The following DHRS7 variants were observed in gnomAD, a reference collection of about 807,000 sequenced individuals.
The protein encoded by DHRS7 is dehydrogenase/reductase 7.
A neutral mutation model predicts 38.9 loss-of-function variants in DHRS7; 34 were observed. That is an observed-to-expected ratio of 0.87 (90% CI 0.66 to 1.16). The LOEUF is 1.16. Ranked by LOEUF, DHRS7 falls within the 50% of genes most tolerant of loss-of-function variation. The pLI is 0.00. For synonymous variants in DHRS7, 158 were observed against 153.1 expected, an observed-to-expected ratio of 1.03 and a Z score of -0.24; for missense variants, 421 against 407.0, an observed-to-expected ratio of 1.03 and a Z score of -0.30.
At chr14:60,154,613 A>C (rs1232880649) in intron 2 of DHRS7, among the ~76,000 whole-genome samples, 1 of 152,224 alleles carries the variant, frequency 6.6e-6, no homozygotes, top group East Asian at 1.9e-4. Flanking sequence ...GTTCATCAAA[A>C]GAACAACTGA....
intron 2 of DHRS7, 197 bp downstream of exon 2, chr14:60,155,803 A>G: frequency 2.4e-6 from 1 of 413,202 alleles, no homozygotes; most frequent in Non-Finnish European, 4.1e-6. Context: ...GTGCAAAAAA[A>G]GCATAGAAAG....
chr14:60,153,059 T>C lies in DHRS7; in HGVS notation c.513A>G (p.Lys171=), dbSNP rs1233766865. The change falls in exon 4 of 7, where the codon AAA becomes AAG. Residue 171 remains lysine, a synonymous_variant. Coordinates refer to ENST00000557185, the MANE Select transcript of DHRS7 (RefSeq NM_016029.4). The surrounding 1 kb of genome is among the most constrained non-coding windows in gnomAD (Gnocchi z 4.4). ...LNYLGTVSLT[K]CVLPHMIERK... ...TCTCGATCATGTGAGGCAGAACACA[T>C]TTTGTCAAGGACACCGTCCCTAAGT... 12 of 1,614,116 alleles carry C rather than the reference T, an allele frequency of 7.4e-6. No individual in the cohort carries two copies. Among genetic ancestry groups the C allele is most frequent in the Admixed American group, 1.7e-5 (1 of 60,006 alleles).
rs112661897 is a variant in DHRS7 at position 60,165,333 on chromosome 14, G to A, written c.-24C>T. 1.9e-6 allele frequency: 3 copies of A among 1,560,422 alleles called. No homozygotes were observed. The highest frequency in any genetic ancestry group is 2.7e-5 in the African/African-American group (2 of 74,054). ...ATTGCGGCCGCGCACGCCCAGCTCG[G>A]GGGGAAGAAGACGGCCCGCACCAGA... On this transcript the variant is annotated 5_prime_UTR_variant, in exon 1 of 7. Coordinates refer to ENST00000557185, the MANE Select transcript of DHRS7 (RefSeq NM_016029.4). The surrounding 1 kb of genome is among the most constrained non-coding windows in gnomAD (Gnocchi z 4.6).
At position 60,162,259 on chromosome 14, in the gene DHRS7, G is replaced by A. The variant is rs1177163175; in HGVS notation, c.133+2918C>T. Among the ~76,000 whole-genome samples, 1 of 152,074 alleles carries A rather than the reference G, an allele frequency of 6.6e-6. No individual in the cohort carries two copies. The highest frequency in any genetic ancestry group is 1.5e-5 in the Non-Finnish European group (1 of 68,002). On this transcript the variant is annotated intron_variant, in intron 1 of 6. Coordinates refer to ENST00000557185, the MANE Select transcript of DHRS7 (RefSeq NM_016029.4). This position sits in a 1 kb window ranked among gnomAD's most constrained non-coding sequence, Gnocchi z 4.5. ...GTGGTGGTTTGCACCTGTAGTCCTA[G>A]CTACTGGGGAGGCTGAGGTGGGAGG...
chr14:60,166,869 G>T (rs541378983), upstream of DHRS7, among the ~76,000 whole-genome samples: 1 of 152,052 alleles, frequency 6.6e-6, no homozygotes, highest in Non-Finnish European at 1.5e-5. Context: ...ATAGCTTAGT[G>T]TTGACATGAG....
In DHRS7 at chr14:60,144,678, C is replaced by A; in HGVS notation, c.*288G>T. 7.2e-6 allele frequency: 2 copies of A among 279,516 alleles called. No individual in the cohort carries two copies. Among genetic ancestry groups the A allele is most frequent in the Non-Finnish European group, 1.3e-5 (2 of 151,752 alleles). The allele number at this position is 279,516 out of a possible 1,614,324, so 17.3% of individuals were successfully genotyped here. ...TCTGTGGTATTTTGTTATAGCAGCA[C>A]AAATGGACTAAGACAAATCTGTTAA... On this transcript the variant is annotated 3_prime_UTR_variant, in exon 7 of 7. Transcript: ENST00000557185.
intron 1 of DHRS7, chr14:60,159,339 GC>G: frequency 2.5e-6 from 1 of 393,728 alleles, no homozygotes; most frequent in Non-Finnish European, 4.8e-6. Flanking sequence ...CAGAATTGAA[GC>G]CCTTCTGTTT....
upstream of DHRS7, chr14:60,168,853 G>GTTA (rs1463307229): frequency 2.2e-6 from 3 of 1,343,268 alleles, no homozygotes; most frequent in Admixed American, 5.4e-5. Context: ...CAAAGCATAA[G>GTTA]GTCAGAGGAG....
chr14:60,158,906 C>A (rs78929229), intron 1 of DHRS7: 7,450 of 216,406 alleles, frequency 0.034, 496 homozygotes, highest in African/African-American at 0.15. Flanking sequence ...TGCTATCAAC[C>A]AGTAGCAGTG....
rs568031743 is a variant in DHRS7 at position 60,150,330 on chromosome 14, ATTATAT to A, written c.634-149_634-144del. The stretch of plus-strand genomic sequence containing the variant: ...AGCTTATTAGGCACTTTTTTTTATT[ATTATAT>A]TTTAAGTTCTAGGGTACATGTGCAC... On this transcript the variant is annotated intron_variant, in intron 4 of 6. Coordinates refer to ENST00000557185, the MANE Select transcript of DHRS7 (RefSeq NM_016029.4). The A allele has an allele frequency of 1.1e-4, 75 of 713,506 alleles. No individual in the cohort carries two copies. In the African/African-American group the frequency reaches 1.2e-3, roughly 11 times the overall value. The allele number at this position is 713,506 out of a possible 1,614,324, so 44.2% of individuals were successfully genotyped here. A position where few individuals can be genotyped will look rare whatever the true frequency, so the allele number is the denominator to read the frequency against.
chr14:60,164,564 GAC>G (rs1192642887), intron 1 of DHRS7, among the ~76,000 whole-genome samples: 6 of 152,324 alleles, frequency 3.9e-5, no homozygotes, highest in Non-Finnish European at 5.9e-5. Flanking sequence ...TATTAAGCAA[GAC>G]ACAGATAAAG....
chr14:60,155,402 T>C (rs1408632310), intron 2 of DHRS7, among the ~76,000 whole-genome samples: 1 of 152,068 alleles, frequency 6.6e-6, no homozygotes, highest in East Asian at 1.9e-4. Context: ...TGAGCCAAGA[T>C]CACACCATTG....
At chr14:60,158,425 G>A (rs1184388139) in intron 1 of DHRS7, among the ~76,000 whole-genome samples, 1 of 151,926 alleles carries the variant, frequency 6.6e-6, no homozygotes, top group Non-Finnish European at 1.5e-5. Context: ...TTGACTACTT[G>A]TTGTTCCCAA....
chr14:60,165,139 C>T lies in DHRS7; in HGVS notation c.133+38G>A, dbSNP rs973897343. On this transcript the variant is annotated intron_variant, in intron 1 of 6. Coordinates refer to ENST00000557185, the MANE Select transcript of DHRS7 (RefSeq NM_016029.4). This position sits in a 1 kb window ranked among gnomAD's most constrained non-coding sequence, Gnocchi z 4.6. ...GGACACGCCTCGGCAGCTCCGAGCC[C>T]GGCCTCCCACTCGGGAGAGGCTTTG... 3.5e-5 allele frequency: 56 copies of T among 1,607,030 alleles called. No homozygotes were observed. In the Admixed American group the frequency reaches 8.9e-4, roughly 26 times the overall value.
rs1896784472 is a variant in DHRS7, at chr14:60,162,568, G to A, written c.133+2609C>T. Among the ~76,000 whole-genome samples the A allele has an allele frequency of 6.6e-6, 1 of 152,058 alleles. No homozygotes were observed. Among genetic ancestry groups the A allele is most frequent in the African/African-American group, 2.4e-5 (1 of 41,392 alleles). ...TTTTGTATTTTTACTTTTGTATTAT[G>A]TGAGTGTGCTATTTTTTTAAGTGAC... On this transcript the variant is annotated intron_variant, in intron 1 of 6. Transcript: ENST00000557185. The surrounding 1 kb of genome is among the most constrained non-coding windows in gnomAD (Gnocchi z 4.5).
At position 60,146,054 on chromosome 14, in the gene DHRS7, G is replaced by T. The variant is rs1896398630; in HGVS notation, c.973-1041C>A. Reference sequence around the variant, plus strand: ...ATATATAAAATATAAAATAGTGGGAGAGAGGAAGAGTACAGACTATAAAGA... The same window carrying T: ...ATATATAAAATATAAAATAGTGGGATAGAGGAAGAGTACAGACTATAAAGA... On this transcript the variant is annotated intron_variant, in intron 6 of 6. Coordinates refer to ENST00000557185, the MANE Select transcript of DHRS7 (RefSeq NM_016029.4). This position sits in a 1 kb window ranked among gnomAD's most constrained non-coding sequence, Gnocchi z 4.9. The T allele has an allele frequency of 6.6e-6, 1 of 150,546 alleles. No individual in the cohort carries two copies. The highest frequency in any genetic ancestry group is 6.6e-5 in the Admixed American group (1 of 15,086). 9.3% of individuals were successfully genotyped at this position (150,546 alleles called of 1,614,324 possible). A position where few individuals can be genotyped will look rare whatever the true frequency, so the allele number is the denominator to read the frequency against.
At chr14:60,155,467 A>G (rs1048746015) in intron 2 of DHRS7, among the ~76,000 whole-genome samples, 4 of 152,190 alleles carry the variant, frequency 2.6e-5, no homozygotes, top group African/African-American at 9.6e-5. Context: ...AAAAGTAAAC[A>G]TAACTACACC....
In DHRS7 at chr14:60,145,666, C is replaced by T. The variant is rs942748970; in HGVS notation, c.973-653G>A. The T allele has an allele frequency of 6.6e-6, 1 of 151,828 alleles. No individual in the cohort carries two copies. Among genetic ancestry groups the T allele is most frequent in the African/African-American group, 2.4e-5 (1 of 41,278 alleles). 9.4% of individuals were successfully genotyped at this position (151,828 alleles called of 1,614,324 possible). A position where few individuals can be genotyped will look rare whatever the true frequency, so the allele number is the denominator to read the frequency against. On this transcript the variant is annotated intron_variant, in intron 6 of 6. Transcript: ENST00000557185. The surrounding 1 kb of genome is among the most constrained non-coding windows in gnomAD (Gnocchi z 4.0). Reference sequence around the variant, plus strand: ...TCCAGCCTGGCCAACAAGAGGGAAACTCTGTCTCAAAAAAAATAAAAAGAA... The same window carrying T: ...TCCAGCCTGGCCAACAAGAGGGAAATTCTGTCTCAAAAAAAATAAAAAGAA...
upstream of DHRS7, among the ~76,000 whole-genome samples, chr14:60,167,661 T>A (rs1896884639): frequency 6.6e-6 from 1 of 152,110 alleles, no homozygotes; most frequent in Non-Finnish European, 1.5e-5. Context: ...CGGCAGTCCC[T>A]AGGCGGGGGA....
Sources: gnomAD v4.1 joint callset for allele counts (sites outside exome capture counted in the v4.1 genomes callset) on GRCh38, gnomAD v4.1.1 for gene constraint, Gnocchi (gnomAD v3.1) non-coding constraint, MANE v1.5 for transcripts, NCBI Gene and HGNC (gene_info 2026-07-23, HGNC 2026-07-21) for gene names.